The following PTPRN2 variants were observed in gnomAD, a reference collection of about 807,000 sequenced individuals.
PTPRN2 encodes receptor-type tyrosine-protein phosphatase N2.
PTPRN2 carries 74 observed loss-of-function variants against 118.8 expected under a neutral mutation model. That is an observed-to-expected ratio of 0.62 (90% CI 0.52 to 0.76). The LOEUF (loss-of-function observed/expected upper bound fraction) is 0.76. Among genes scored for constraint, PTPRN2 ranks in the 30% least tolerant of loss-of-function variants. The probability of loss-of-function intolerance (pLI) is 0.00; values close to 1 mark genes in which losing one functional copy is unlikely to be tolerated. For missense variants in PTPRN2, 1,481 were observed against 1,394.4 expected (o/e 1.06, Z -0.99); for synonymous variants, 641 against 608.0 (o/e 1.05, Z -0.80).
rs979954429 is a variant in PTPRN2, at chr7:157,787,021, C to T, written c.1789-104084G>A. On this transcript the variant is annotated intron_variant, in intron 12 of 22. Coordinates refer to ENST00000389418, the MANE Select transcript of PTPRN2 (RefSeq NM_002847.5). This position sits in a 1 kb window ranked among gnomAD's most constrained non-coding sequence, Gnocchi z 5.3. ...CAGCTTGAGGGGCAGGAGGCGGACA[C>T]AGGTGCGGCGGGGGACGCGGGGGTG... 1.3e-5 allele frequency among the ~76,000 whole-genome samples: 2 copies of T among 151,418 alleles called. No homozygotes were observed. The highest frequency in any genetic ancestry group is 2.4e-5 in the African/African-American group (1 of 41,278).
chr7:158,393,597 C>T (rs900557789), intron 2 of PTPRN2, among the ~76,000 whole-genome samples: 1 of 152,214 alleles, frequency 6.6e-6, no homozygotes, highest in African/African-American at 2.4e-5. Context: ...TTTGGTGAAT[C>T]TGCACCTTTT....
chr7:158,476,552 G>C (rs552541103), intron 2 of PTPRN2, among the ~76,000 whole-genome samples: 1 of 152,244 alleles, frequency 6.6e-6, no homozygotes, highest in African/African-American at 2.4e-5. Flanking sequence ...GACGCCGCTC[G>C]GGAGGGAGAG....
At chr7:157,670,690 G>A (rs1474411205) in intron 13 of PTPRN2, among the ~76,000 whole-genome samples, 1 of 152,190 alleles carries the variant, frequency 6.6e-6, no homozygotes, top group African/African-American at 2.4e-5. Flanking sequence ...GACTCACCGG[G>A]CAATTAAGTT....
intron 11 of PTPRN2, among the ~76,000 whole-genome samples, chr7:158,059,365 G>T (rs879542145): frequency 5.2e-3 from 239 of 46,052 alleles, no homozygotes; most frequent in Middle Eastern, 0.021. Flanking sequence ...ACACGGTGAC[G>T]CATCACTGCA....
intron 11 of PTPRN2, among the ~76,000 whole-genome samples, chr7:157,959,745 T>C (rs1439511845): frequency 6.6e-6 from 1 of 152,184 alleles, no homozygotes; most frequent in East Asian, 1.9e-4. Context: ...GAATGTAAAA[T>C]GGTTCAGCCA....
intron 11 of PTPRN2, among the ~76,000 whole-genome samples, chr7:157,995,806 A>G (rs1804680209): frequency 6.6e-6 from 1 of 152,256 alleles, no homozygotes; most frequent in African/African-American, 2.4e-5. Context: ...GGCAAACTCA[A>G]GTTTAAGCAA....
At chr7:158,276,241 C>T (rs1346630889) in intron 3 of PTPRN2, among the ~76,000 whole-genome samples, 3 of 32,952 alleles carry the variant, frequency 9.1e-5, no homozygotes, top group East Asian at 8.8e-4. Flanking sequence ...CCCCACATCC[C>T]GGTCCTGGTA....
chr7:158,181,302 T>C (rs1479998383), intron 5 of PTPRN2, among the ~76,000 whole-genome samples: 1 of 152,122 alleles, frequency 6.6e-6, no homozygotes, highest in African/African-American at 2.4e-5. Flanking sequence ...TTGATCATGG[T>C]TTATTATCTT....
intron 1 of PTPRN2, among the ~76,000 whole-genome samples, chr7:158,528,254 C>A (rs1016373303): frequency 6.6e-6 from 1 of 152,158 alleles, no homozygotes; most frequent in Non-Finnish European, 1.5e-5. Flanking sequence ...GGTACCCGTG[C>A]TTGGGTGCAG....
At chr7:158,218,521 T>C (rs548916509) in intron 3 of PTPRN2, among the ~76,000 whole-genome samples, 1 of 152,246 alleles carries the variant, frequency 6.6e-6, no homozygotes, top group African/African-American at 2.4e-5. Flanking sequence ...AAAGCAACTA[T>C]ACAATCAAGT....
chr7:158,211,951 T>C (rs1370138215), intron 3 of PTPRN2, among the ~76,000 whole-genome samples: 1 of 152,190 alleles, frequency 6.6e-6, no homozygotes, highest in Non-Finnish European at 1.5e-5. Context: ...CAGTGAACAT[T>C]TGGAAGCAAC....
chr7:158,123,791 T>C (rs921407274), intron 9 of PTPRN2, among the ~76,000 whole-genome samples: 1 of 152,220 alleles, frequency 6.6e-6, no homozygotes, highest in East Asian at 1.9e-4. Context: ...CTTTAAAAAG[T>C]GTGCCAAATA....
At chr7:158,014,243 T>C (rs1806273082) in intron 11 of PTPRN2, among the ~76,000 whole-genome samples, 1 of 149,176 alleles carries the variant, frequency 6.7e-6, no homozygotes, top group Non-Finnish European at 1.5e-5. Context: ...CATTCACCTG[T>C]CCATCCATCC....
intron 12 of PTPRN2, among the ~76,000 whole-genome samples, chr7:157,855,495 G>A (rs1378332244): frequency 2.6e-5 from 4 of 152,206 alleles, no homozygotes; most frequent in Non-Finnish European, 5.9e-5. Flanking sequence ...GGCCAGCAGG[G>A]TCCCTCCTAC....
At chr7:158,142,082 G>A (rs1819439941) in intron 6 of PTPRN2, among the ~76,000 whole-genome samples, 1 of 152,202 alleles carries the variant, frequency 6.6e-6, no homozygotes, top group Admixed American at 6.5e-5. Context: ...CATTTCTGAT[G>A]CTCTGACATC....
chr7:157,592,404 G>A (rs150754349), intron 17 of PTPRN2, among the ~76,000 whole-genome samples: 9 of 152,220 alleles, frequency 5.9e-5, no homozygotes, highest in Non-Finnish European at 1.2e-4. Flanking sequence ...CCTGCTGAAC[G>A]GAGGTTGGAT....
At chr7:157,567,939 G>A (rs1799570486) in intron 21 of PTPRN2, among the ~76,000 whole-genome samples, 1 of 152,146 alleles carries the variant, frequency 6.6e-6, no homozygotes, top group South Asian at 2.1e-4. Flanking sequence ...GCCCTGTGAT[G>A]CCCAAGGAGC....
At chr7:158,471,335 A>G (rs1819837196) in intron 2 of PTPRN2, among the ~76,000 whole-genome samples, 1 of 149,146 alleles carries the variant, frequency 6.7e-6, no homozygotes, top group African/African-American at 2.5e-5. Flanking sequence ...GGTCTCACCC[A>G]CACACAGCAC....
rs538124105 is a variant in PTPRN2 at position 158,120,662 on chromosome 7, T to C, written c.1557-9747A>G. 9.2e-5 allele frequency among the ~76,000 whole-genome samples: 14 copies of C among 152,336 alleles called. No individual in the cohort carries two copies. In the East Asian group the frequency reaches 2.7e-3, roughly 29 times the overall value. ...CCATTTTCCTTTAAAGAGTGGCTGCTGGAAGGGGAGGGGTCCCAGATGTCC... is the reference window on the plus strand; with the variant it reads ...CCATTTTCCTTTAAAGAGTGGCTGCCGGAAGGGGAGGGGTCCCAGATGTCC... On this transcript the variant is annotated intron_variant, in intron 9 of 22. Coordinates refer to ENST00000389418, the MANE Select transcript of PTPRN2 (RefSeq NM_002847.5).
Sources: allele counts gnomAD v4.1 joint callset (sites outside exome capture counted in the v4.1 genomes callset), GRCh38; gene constraint gnomAD v4.1.1; non-coding constraint Gnocchi (gnomAD v3.1); transcripts MANE v1.5; gene names NCBI Gene and HGNC (gene_info 2026-07-23, HGNC 2026-07-21).